The following HDAC1 variants were observed in gnomAD, a reference collection of about 807,000 sequenced individuals.
HDAC1 encodes histone deacetylase 1.
A neutral mutation model predicts 65.5 loss-of-function variants in HDAC1; 18 were observed. That is an observed-to-expected ratio of 0.27 (90% CI 0.19 to 0.41). The LOEUF is 0.41. HDAC1 is among the 10% of genes least tolerant of loss of function. The pLI is 1.00. For missense variants in HDAC1, 373 were observed against 625.2 expected, an observed-to-expected ratio of 0.60 and a Z score of 4.30; for synonymous variants, 211 against 227.9, an observed-to-expected ratio of 0.93 and a Z score of 0.67.
chr1:32,327,969 G>A lies in HDAC1; in HGVS notation c.636+292G>A, dbSNP rs1404283800. The stretch of plus-strand genomic sequence containing the variant: ...TTATGTCTCATAAGCCTTGAGTTTG[G>A]GGGTAGGAATTGGGACTCTGAAGGA... On this transcript the variant is annotated intron_variant, in intron 6 of 13. Transcript: ENST00000373548. This position sits in a 1 kb window ranked among gnomAD's most constrained non-coding sequence, Gnocchi z 6.0. Among the ~76,000 whole-genome samples the A allele has an allele frequency of 6.6e-6, 1 of 152,120 alleles. No homozygotes were observed. Among genetic ancestry groups the A allele is most frequent in the Non-Finnish European group, 1.5e-5 (1 of 68,018 alleles).
At chr1:32,319,983 G>A (rs1403233860) in intron 3 of HDAC1, among the ~76,000 whole-genome samples, 1 of 151,814 alleles carries the variant, frequency 6.6e-6, no homozygotes, top group East Asian at 1.9e-4. Context: ...TTGGGAGGCC[G>A]AGGTGGGCGG....
intron 2 of HDAC1, among the ~76,000 whole-genome samples, chr1:32,315,822 C>T (rs1641053702): frequency 6.7e-6 from 1 of 149,612 alleles, no homozygotes; most frequent in Non-Finnish European, 1.5e-5. Context: ...AAAAATTAGC[C>T]AGCGTCGTGG....
chr1:32,317,807 G>A (rs141720688), intron 3 of HDAC1, among the ~76,000 whole-genome samples: 1 of 152,252 alleles, frequency 6.6e-6, no homozygotes, highest in African/African-American at 2.4e-5. Context: ...GGCTTTAGAG[G>A]TTTCCATAAC....
At chr1:32,323,712 A>G (rs1466153521) in intron 3 of HDAC1, among the ~76,000 whole-genome samples, 1 of 152,100 alleles carries the variant, frequency 6.6e-6, no homozygotes, top group Non-Finnish European at 1.5e-5. Flanking sequence ...TTCCCTACTT[A>G]TAAGATGGGA....
Position 32,331,412 on chromosome 1 carries a change from G to A in HDAC1, c.980-62G>A, listed in dbSNP as rs1034496179. On this transcript the variant is annotated intron_variant, in intron 9 of 13. Transcript: ENST00000373548. The surrounding 1 kb of genome is among the most constrained non-coding windows in gnomAD (Gnocchi z 4.2). ...CCTACAAATGCTTTAGGGTGCTTAC[G>A]TGCAAATGGTTAGGGTGCGGTGGCC... is the stretch of plus-strand genomic sequence containing the variant. The A allele has an allele frequency of 1.1e-5, 10 of 932,170 alleles. No homozygotes were observed. The highest frequency in any genetic ancestry group is 7.3e-5 in the East Asian group (3 of 41,248). The allele number at this position is 932,170 out of a possible 1,614,324, so 57.7% of individuals were successfully genotyped here.
intron 2 of HDAC1, among the ~76,000 whole-genome samples, chr1:32,312,441 AC>A (rs1437031598): frequency 5.3e-5 from 8 of 151,740 alleles, no homozygotes; most frequent in Admixed American, 5.3e-4. Flanking sequence ...GCTCACTGCA[AC>A]CTCTGCCTCC....
At chr1:32,305,726 T>C (rs1274431428) in intron 2 of HDAC1, among the ~76,000 whole-genome samples, 1 of 150,476 alleles carries the variant, frequency 6.6e-6, no homozygotes, top group Non-Finnish European at 1.5e-5. Context: ...TCTTTCTACC[T>C]CAGCCTCCTG....
At position 32,330,320 on chromosome 1, in the gene HDAC1, G is replaced by T; in HGVS notation, c.730-258G>T. On this transcript the variant is annotated intron_variant, in intron 7 of 13. Transcript: ENST00000373548. The surrounding 1 kb of genome is among the most constrained non-coding windows in gnomAD (Gnocchi z 4.2). ...GAGCTTGGGCAACAGAAGAGACTTA[G>T]GGAGTTGAGAGGGAGGCCATTCTAG... 2.2e-6 allele frequency: 1 copy of T among 455,584 alleles called. No individual in the cohort carries two copies. The highest frequency in any genetic ancestry group is 4.0e-6 in the Non-Finnish European group (1 of 247,564). The allele number at this position is 455,584 out of a possible 1,614,324, so 28.2% of individuals were successfully genotyped here. A position where few individuals can be genotyped will look rare whatever the true frequency, so the allele number is the denominator to read the frequency against.
At chr1:32,307,251 TAAAAA>T (rs373818358) in intron 2 of HDAC1, among the ~76,000 whole-genome samples, 1 of 150,886 alleles carries the variant, frequency 6.6e-6, no homozygotes, top group Non-Finnish European at 1.5e-5. Flanking sequence ...TTCCCAAAAA[TAAAAA>T]AAAAGAAGAT....
At chr1:32,310,679 A>C (rs936623361) in intron 2 of HDAC1, among the ~76,000 whole-genome samples, 8 of 151,974 alleles carry the variant, frequency 5.3e-5, no homozygotes, top group Non-Finnish European at 7.4e-5. Context: ...GTGAAACCCC[A>C]TCTCTACTAA....
At chr1:32,315,899 A>G (rs962280032) in intron 2 of HDAC1, among the ~76,000 whole-genome samples, 1 of 151,214 alleles carries the variant, frequency 6.6e-6, no homozygotes, top group Non-Finnish European at 1.5e-5. Context: ...CAGGAGGCGA[A>G]GGTTGCAGTG....
In HDAC1 at chr1:32,292,093, C is replaced by T. The variant is rs1017017581; in HGVS notation, c.-77C>T. 1.4e-6 allele frequency: 2 copies of T among 1,434,152 alleles called. No homozygotes were observed. Among genetic ancestry groups the T allele is most frequent in the Non-Finnish European group, 1.9e-6 (2 of 1,046,048 alleles). 88.8% of individuals were successfully genotyped at this position (1,434,152 alleles called of 1,614,324 possible). ...GGGCCGGAGGCCCGCCCCCTCCCCC[C>T]TGGGTCGGACGCTGAGCGGAGCCGC... On this transcript the variant is annotated 5_prime_UTR_variant, in exon 1 of 14. Coordinates refer to ENST00000373548, the MANE Select transcript of HDAC1 (RefSeq NM_004964.3).
intron 4 of HDAC1, among the ~76,000 whole-genome samples, chr1:32,326,376 G>C (rs923737341): frequency 6.6e-6 from 1 of 152,010 alleles, no homozygotes; most frequent in Non-Finnish European, 1.5e-5. Context: ...TGTTGGCCAG[G>C]CTGGTATCGA....
chr1:32,301,622 T>C (rs1339187623), intron 1 of HDAC1, among the ~76,000 whole-genome samples: 2 of 151,484 alleles, frequency 1.3e-5, no homozygotes, highest in Non-Finnish European at 2.9e-5. Context: ...ATACAAAAAT[T>C]AGCCAGGCAT....
chr1:32,292,259 C>G lies in HDAC1; in HGVS notation c.49+41C>G. 1.9e-6 allele frequency: 3 copies of G among 1,545,984 alleles called. No individual in the cohort carries two copies. The South Asian group carries it at 3.6e-5, about 18-fold the overall frequency. ...GCGGCGGGGGCGGGGCCAGGCCGGG[C>G]CGGACCGGGAACCTGGAGGCTGAGG... On this transcript the variant is annotated intron_variant, in intron 1 of 13. Transcript: ENST00000373548.
Position 32,302,672 on chromosome 1 carries a change from G to T in HDAC1, c.101G>T (p.Arg34Leu), listed in dbSNP as rs751240872. 6.2e-7 allele frequency: 1 copy of T among 1,608,780 alleles called. No homozygotes were observed. The highest frequency in any genetic ancestry group is 8.5e-7 in the Non-Finnish European group (1 of 1,175,172). ...CAAGGCCACCCAATGAAGCCTCACC[G>T]AATCCGCATGACTCATAATTTGCTG... ...YGQGHPMKPH[R>L]IRMTHNLLLN... Residue 34 changes from arginine to leucine, a missense_variant, in exon 2 of 14, where the codon CGA (arginine) becomes CTA (leucine). By Grantham distance (102) the Arg-to-Leu change is moderately radical (BLOSUM62 -2). Around this residue, in one of 4 missense-constraint regions of HDAC1, gnomAD observed 80 missense variants for 126.3 expected, o/e 0.63. Transcript: ENST00000373548.
chr1:32,304,213 G>A (rs1640883781), intron 2 of HDAC1, among the ~76,000 whole-genome samples: 1 of 152,118 alleles, frequency 6.6e-6, no homozygotes, highest in Admixed American at 6.6e-5. Flanking sequence ...CCATTCCAGA[G>A]ACTGAAAGGA....
At chr1:32,302,463 TTTC>T (rs1640860782) in intron 1 of HDAC1, among the ~76,000 whole-genome samples, 155 bp from the exon 2 acceptor site, 1 of 151,928 alleles carries the variant, frequency 6.6e-6, no homozygotes, top group South Asian at 2.1e-4. Flanking sequence ...TTTTTTTTTT[TTTC>T]TTTTGGAGTT....
At chr1:32,298,084 C>T (rs957666453) in intron 1 of HDAC1, among the ~76,000 whole-genome samples, 3 of 137,628 alleles carry the variant, frequency 2.2e-5, no homozygotes, top group Admixed American at 7.6e-5. Context: ...CCAGCGCGCC[C>T]GGCCTTTTTT....
Sources: gnomAD v4.1 joint callset for allele counts (sites outside exome capture counted in the v4.1 genomes callset) on GRCh38, gnomAD v4.1.1 for gene constraint, gnomAD v4.1.1 regional missense constraint, Gnocchi (gnomAD v3.1) non-coding constraint, MANE v1.5 for transcripts, NCBI Gene and HGNC (gene_info 2026-07-23, HGNC 2026-07-21) for gene names.